TUSC3: variants seen among roughly 807,000 people sequenced by gnomAD.
TUSC3 encodes the protein tumor suppressor candidate 3, also known as dolichyl-diphosphooligosaccharide--protein glycosyltransferase subunit TUSC3.
A neutral mutation model predicts 44.8 loss-of-function variants in TUSC3; 45 were observed. The observed-to-expected ratio is 1.00, with a 90% CI of 0.79 to 1.29. The LOEUF (loss-of-function observed/expected upper bound fraction) is 1.29. Among genes scored for constraint, TUSC3 ranks in the 50% most tolerant of loss-of-function variants. TUSC3 has a pLI of 0.00. For missense variants in TUSC3, 519 were observed against 437.9 expected (o/e 1.19, Z -1.65); for synonymous variants, 212 against 152.9 (o/e 1.39, Z -2.85).
chr8:15,454,737 C>T (rs1264997461), intron 1 of TUSC3, among the ~76,000 whole-genome samples: 7 of 152,108 alleles, frequency 4.6e-5, no homozygotes, highest in African/African-American at 1.7e-4. Flanking sequence ...AACTGGACTG[C>T]ACAAGTCTTG....
intron 2 of TUSC3, among the ~76,000 whole-genome samples, chr8:15,527,527 C>G (rs1362020207): frequency 6.6e-6 from 1 of 152,050 alleles, no homozygotes; most frequent in Non-Finnish European, 1.5e-5. Flanking sequence ...TTGAATATTT[C>G]TTTTTAAAAA....
chr8:15,655,262 A>C (rs1807101933), intron 3 of TUSC3, among the ~76,000 whole-genome samples: 1 of 152,302 alleles, frequency 6.6e-6, no homozygotes, highest in Admixed American at 6.5e-5. Context: ...TTAGGACTTA[A>C]GTGAGTAGGC....
chr8:15,782,610 T>C, the TUSC3 span, among the ~76,000 whole-genome samples: 2 of 152,332 alleles, frequency 1.3e-5, no homozygotes, highest in South Asian at 2.1e-4. Context: ...TAATTCACCA[T>C]ATTAACAGAA....
intron 6 of TUSC3, among the ~76,000 whole-genome samples, chr8:15,717,659 G>A (rs1490710693): frequency 6.6e-6 from 1 of 151,998 alleles, no homozygotes; most frequent in African/African-American, 2.4e-5. Context: ...TCAGCCTACT[G>A]TAATTTCAAC....
chr8:15,595,763 A>G (rs1325305898), intron 1 of TUSC3, among the ~76,000 whole-genome samples: 1 of 152,286 alleles, frequency 6.6e-6, no homozygotes, highest in South Asian at 2.1e-4. Flanking sequence ...TACTTCTGTA[A>G]GATTTTCTCA....
intron 5 of TUSC3, among the ~76,000 whole-genome samples, chr8:15,670,428 C>G (rs1243157777): frequency 1.3e-5 from 2 of 151,796 alleles, no homozygotes; most frequent in Non-Finnish European, 2.9e-5. Flanking sequence ...ACGAAAGTGG[C>G]CTTGCAGTGC....
chr8:15,715,417 T>C (rs1810019071), intron 6 of TUSC3, among the ~76,000 whole-genome samples: 1 of 152,108 alleles, frequency 6.6e-6, no homozygotes, highest in South Asian at 2.1e-4. Context: ...TCTGTCAACC[T>C]GATAACTGAG....
Position 15,711,152 on chromosome 8 carries a change from C to T in TUSC3, c.799-19514C>T, listed in dbSNP as rs181537067. 3.9e-3 allele frequency among the ~76,000 whole-genome samples: 585 copies of T among 151,646 alleles called. 2 individuals are homozygous for T. Among genetic ancestry groups the T allele is most frequent in the Non-Finnish European group, 6.3e-3 (429 of 67,796 alleles). On this transcript the variant is annotated intron_variant, in intron 6 of 10. Coordinates refer to ENST00000503731, the MANE Select transcript of TUSC3 (RefSeq NM_006765.4). ...TTTTTCTTGTCCTCTCCTCTCACTA[C>T]CAGCATTTTCCTTGGCAATAAAAAG...
At chr8:15,659,327 C>T (rs1585202054) in intron 3 of TUSC3, among the ~76,000 whole-genome samples, 180 bp from the exon 4 acceptor site, 1 of 152,062 alleles carries the variant, frequency 6.6e-6, no homozygotes, top group East Asian at 1.9e-4. Flanking sequence ...GTCAGATTTA[C>T]ATGTTCTTTT....
chr8:15,442,003 T>C (rs970143003), intron 1 of TUSC3, among the ~76,000 whole-genome samples: 2 of 152,218 alleles, frequency 1.3e-5, no homozygotes, highest in African/African-American at 4.8e-5. Context: ...TGGTTTGTTC[T>C]TATCATATAG....
intron 1 of TUSC3, among the ~76,000 whole-genome samples, chr8:15,476,197 A>G (rs894738790): frequency 1.3e-5 from 2 of 152,208 alleles, no homozygotes; most frequent in Non-Finnish European, 2.9e-5. Context: ...AAGAATTTTT[A>G]AAACCAAGTA....
chr8:15,827,032 A>T, the TUSC3 span, among the ~76,000 whole-genome samples: 1 of 152,144 alleles, frequency 6.6e-6, no homozygotes, highest in Non-Finnish European at 1.5e-5. Context: ...GTCCAGCTGG[A>T]TATTCAAACT....
At chr8:15,677,805 G>A (rs751113305) in intron 6 of TUSC3, among the ~76,000 whole-genome samples, 1 of 152,190 alleles carries the variant, frequency 6.6e-6, no homozygotes, top group African/African-American at 2.4e-5. Context: ...GGCAGATGCT[G>A]GAGGCACTAA....
chr8:15,533,358 AC>A (rs1333045914), intron 2 of TUSC3, among the ~76,000 whole-genome samples: 9 of 152,180 alleles, frequency 5.9e-5, no homozygotes, highest in African/African-American at 1.9e-4. Context: ...TTTTTACATA[AC>A]CTAAATATAG....
the TUSC3 span, among the ~76,000 whole-genome samples, chr8:15,829,500 G>C: frequency 4.6e-5 from 7 of 151,956 alleles, no homozygotes. Flanking sequence ...ACTCTTATTA[G>C]GTACAGTTCA....
At chr8:15,629,920 C>A (rs1174383253) in intron 2 of TUSC3, among the ~76,000 whole-genome samples, 3 of 152,060 alleles carry the variant, frequency 2.0e-5, no homozygotes, top group Admixed American at 6.5e-5. Context: ...ATTCTCACCT[C>A]CCTCAGTGCT....
At chr8:15,651,113 T>C (rs888435699) in intron 3 of TUSC3, 4 of 336,918 alleles carry the variant, frequency 1.2e-5, no homozygotes, top group Non-Finnish European at 1.1e-5. Flanking sequence ...TAAACTTATT[T>C]TTATCATTGT....
At chr8:15,513,492 T>A (rs1801170878) in intron 2 of TUSC3, among the ~76,000 whole-genome samples, 1 of 152,158 alleles carries the variant, frequency 6.6e-6, no homozygotes, top group Non-Finnish European at 1.5e-5. Context: ...ATTCAAAGTT[T>A]TCAGGAACTG....
At chr8:15,789,727 C>T in the TUSC3 span, among the ~76,000 whole-genome samples, 1 of 152,046 alleles carries the variant, frequency 6.6e-6, no homozygotes, top group African/African-American at 2.4e-5. Flanking sequence ...GAGCCAAGAA[C>T]TATGAAATGC....
Sources: allele counts gnomAD v4.1 joint callset (sites outside exome capture counted in the v4.1 genomes callset), GRCh38; gene constraint gnomAD v4.1.1; transcripts MANE v1.5; gene names NCBI Gene and HGNC (gene_info 2026-07-23, HGNC 2026-07-21).